Variants in PCDHGA1 observed in about 807,000 individuals in gnomAD.
PCDHGA1 encodes the protein protocadherin gamma subfamily A, 1.
In PCDHGA1, 32 loss-of-function variants were observed where a neutral mutation model predicts 58.0. The ratio of observed to expected loss-of-function variants is 0.55; its 90% CI spans 0.42 to 0.74. PCDHGA1 has a LOEUF of 0.74. PCDHGA1 is among the 30% of genes least tolerant of loss of function. The probability of loss-of-function intolerance (pLI) is 0.00; values close to 1 mark genes in which losing one functional copy is unlikely to be tolerated. For synonymous variants in PCDHGA1, 498 were observed against 501.1 expected (o/e 0.99, Z 0.08); for missense variants, 1,205 against 1,182.3 (o/e 1.02, Z -0.28).
chr5:141,509,497 G>A (rs1167178592), intron 3 of PCDHGA1, among the ~76,000 whole-genome samples: 1 of 152,196 alleles, frequency 6.6e-6, no homozygotes, highest in Non-Finnish European at 1.5e-5. Flanking sequence ...TGGCATGCTG[G>A]ATGTGACGGT....
chr5:141,364,415 G>A (rs368621667), intron 1 of PCDHGA1: 1 of 1,613,082 alleles, frequency 6.2e-7, no homozygotes, highest in East Asian at 2.2e-5. Context: ...GCCAGGATCC[G>A]GGCAGATCCG....
At chr5:141,420,160 T>G in intron 1 of PCDHGA1, 1 of 1,614,044 alleles carries the variant, frequency 6.2e-7, no homozygotes, top group Non-Finnish European at 8.5e-7. Flanking sequence ...AATTTAATTT[T>G]TTCACATCTG....
At chr5:141,419,781 G>C (rs1331740421) in intron 1 of PCDHGA1, 1 of 1,614,032 alleles carries the variant, frequency 6.2e-7, no homozygotes. Context: ...GTCCGCCAGC[G>C]CCTGCTAGTC....
intron 1 of PCDHGA1, chr5:141,414,950 TGACCAA>T (rs778670321): frequency 6.2e-7 from 1 of 1,614,030 alleles, no homozygotes; most frequent in South Asian, 1.1e-5. Context: ...GGCTACCTGG[TGACCAA>T]GGTGGTGGCG....
At chr5:141,499,779 C>T (rs1450026011) in intron 2 of PCDHGA1, among the ~76,000 whole-genome samples, 3 of 151,452 alleles carry the variant, frequency 2.0e-5, no homozygotes, top group Non-Finnish European at 4.4e-5. Flanking sequence ...CTTCGCCTCC[C>T]GGGTTCAAGC....
chr5:141,341,041 T>C, intron 1 of PCDHGA1: 2 of 1,613,864 alleles, frequency 1.2e-6, no homozygotes, highest in Non-Finnish European at 1.7e-6. Flanking sequence ...CGGACCTCAC[T>C]CTGTACCTGG....
At position 141,455,301 on chromosome 5, in the gene PCDHGA1, T is replaced by G. The variant is rs192443408; in HGVS notation, c.2422-39506T>G. Among the ~76,000 whole-genome samples, 191 of 152,308 alleles carry G rather than the reference T, an allele frequency of 1.3e-3. 1 individual carries two copies. Among genetic ancestry groups the G allele is most frequent in the African/African-American group, 4.4e-3 (181 of 41,566 alleles). On this transcript the variant is annotated intron_variant, in intron 1 of 3. Transcript: ENST00000517417. ...AACATCACTTTACATAGTTTCATCT[T>G]GCATTAGCAATTTTGTGTGTGTGTT...
intron 1 of PCDHGA1, chr5:141,366,432 C>T (rs1250180313): frequency 3.7e-6 from 6 of 1,614,064 alleles, no homozygotes; most frequent in South Asian, 1.1e-5. Context: ...GCTGCAGTCT[C>T]CTGCGTCTTC....
At chr5:141,480,927 C>T (rs1562083028) in intron 1 of PCDHGA1, among the ~76,000 whole-genome samples, 1 of 152,090 alleles carries the variant, frequency 6.6e-6, no homozygotes, top group Non-Finnish European at 1.5e-5. Context: ...TACCTGTAGT[C>T]CCAGCTACTC....
chr5:141,331,388 C>A lies in PCDHGA1; in HGVS notation c.704C>A (p.Ala235Glu), dbSNP rs764744813. 3 of 1,614,126 alleles carry A rather than the reference C, an allele frequency of 1.9e-6. No homozygotes were observed. The highest frequency in any genetic ancestry group is 1.7e-6 in the Non-Finnish European group (2 of 1,180,034). Residue 235 changes from alanine to glutamate, a missense_variant, in exon 1 of 4, where the codon GCA (alanine) becomes GAA (glutamate). Coordinates refer to ENST00000517417, the MANE Select transcript of PCDHGA1 (RefSeq NM_018912.3). ...TLRIYIQVVD[A>E]NDNPPAFTQA... is the part of the protein sequence containing the mutation. Reference sequence around the variant, plus strand: ...AGAATTTACATTCAGGTGGTGGATGCAAATGACAATCCTCCAGCATTTACT... The same window carrying A: ...AGAATTTACATTCAGGTGGTGGATGAAAATGACAATCCTCCAGCATTTACT...
chr5:141,361,845 T>C, intron 1 of PCDHGA1: 2 of 1,612,744 alleles, frequency 1.2e-6, no homozygotes, highest in Non-Finnish European at 1.7e-6. Flanking sequence ...TGGGGCCTGA[T>C]GGCTCCGCCC....
chr5:141,352,511 T>G, intron 1 of PCDHGA1: 1 of 1,614,054 alleles, frequency 6.2e-7, no homozygotes. Flanking sequence ...CTACAATCTA[T>G]GTATTGCCTC....
chr5:141,431,194 T>C lies in PCDHGA1; in HGVS notation c.2422-63613T>C. On this transcript the variant is annotated intron_variant, in intron 1 of 3. Coordinates refer to ENST00000517417, the MANE Select transcript of PCDHGA1 (RefSeq NM_018912.3). The surrounding 1 kb of genome is among the most constrained non-coding windows in gnomAD (Gnocchi z 4.8). ...AATTAGAAATAAAAATTAGTGAAAA[T>C]GCAGCCACTGAGATGCGGTTCCCTC... The C allele has an allele frequency of 6.2e-7, 1 of 1,614,124 alleles. No homozygotes were observed.
At chr5:141,388,112 C>T (rs1399745232) in intron 1 of PCDHGA1, 1 of 1,408,080 alleles carries the variant, frequency 7.1e-7, no homozygotes, top group South Asian at 1.2e-5. Flanking sequence ...CTTACTTCAC[C>T]GTGAGCGCAG....
chr5:141,417,782 C>T (rs2096161767), intron 1 of PCDHGA1: 1 of 1,473,310 alleles, frequency 6.8e-7, no homozygotes, highest in Non-Finnish European at 9.0e-7. Flanking sequence ...CTGTCCTGGG[C>T]CGAATGCTCT....
At chr5:141,350,066 G>C (rs1199551431) in intron 1 of PCDHGA1, 18 of 416,512 alleles carry the variant, frequency 4.3e-5, no homozygotes, top group Non-Finnish European at 6.6e-5. Flanking sequence ...GGAAGTGAAG[G>C]CTTCTCAATT....
intron 1 of PCDHGA1, among the ~76,000 whole-genome samples, chr5:141,456,625 C>T (rs544550965): frequency 4.6e-5 from 7 of 152,288 alleles, no homozygotes; most frequent in African/African-American, 1.4e-4. Flanking sequence ...AGATTTGCCT[C>T]TTCTTTACTA....
chr5:141,375,245 A>G (rs768962763), intron 1 of PCDHGA1: 6 of 1,613,950 alleles, frequency 3.7e-6, no homozygotes, highest in Non-Finnish European at 8.5e-7. Flanking sequence ...TTCCATCCCG[A>G]GAAGTCTCCC....
intron 1 of PCDHGA1, chr5:141,414,713 C>T: frequency 6.2e-7 from 1 of 1,614,126 alleles, no homozygotes; most frequent in Admixed American, 1.7e-5. Context: ...TCCATCAACT[C>T]AGACACTGGC....
Sources: allele counts gnomAD v4.1 joint callset (sites outside exome capture counted in the v4.1 genomes callset), GRCh38; gene constraint gnomAD v4.1.1; non-coding constraint Gnocchi (gnomAD v3.1); transcripts MANE v1.5; gene names NCBI Gene and HGNC (gene_info 2026-07-23, HGNC 2026-07-21).